RCL1: variants seen among roughly 807,000 people sequenced by gnomAD.
The protein encoded by RCL1 is RNA terminal phosphate cyclase like 1.
RCL1 carries 24 observed loss-of-function variants against 42.4 expected under a neutral mutation model. The observed-to-expected ratio is 0.57, with a 90% CI of 0.41 to 0.80. RCL1 has a LOEUF of 0.80. Ranked by LOEUF, RCL1 falls within the 30% of genes least tolerant of loss-of-function variation. The probability of loss-of-function intolerance (pLI) is 0.00; values close to 1 mark genes in which losing one functional copy is unlikely to be tolerated. For synonymous variants in RCL1, 228 were observed against 177.3 expected (o/e 1.29, Z -2.27); for missense variants, 578 against 467.9 (o/e 1.24, Z -2.17).
chr9:4,841,607 C>A (rs369241837), intron 6 of RCL1, among the ~76,000 whole-genome samples: 1 of 152,238 alleles, frequency 6.6e-6, no homozygotes, highest in Non-Finnish European at 1.5e-5. Flanking sequence ...AAACCTTTAT[C>A]TATTAATACA....
chr9:4,800,700 T>G (rs1842986327), intron 1 of RCL1, among the ~76,000 whole-genome samples: 1 of 150,122 alleles, frequency 6.7e-6, no homozygotes, highest in Middle Eastern at 3.4e-3. Flanking sequence ...ACTTCCAGGC[T>G]GGAATGCAGT....
chr9:4,859,887 C>T (rs560667581), intron 8 of RCL1, among the ~76,000 whole-genome samples: 7 of 152,236 alleles, frequency 4.6e-5, no homozygotes, highest in Admixed American at 2.0e-4. Flanking sequence ...AACTTCTAAC[C>T]TTTCCCCCCC....
chr9:4,828,655 A>G (rs1042281601), intron 3 of RCL1, among the ~76,000 whole-genome samples: 1 of 152,182 alleles, frequency 6.6e-6, no homozygotes, highest in Non-Finnish European at 1.5e-5. Flanking sequence ...AGGTGCCTCA[A>G]ACAGTGGGAA....
At chr9:4,855,721 A>G (rs951133642) in intron 8 of RCL1, among the ~76,000 whole-genome samples, 1 of 151,990 alleles carries the variant, frequency 6.6e-6, no homozygotes, top group Non-Finnish European at 1.5e-5. Flanking sequence ...GAGGTGGGGG[A>G]AAGATTCTGA....
At chr9:4,832,966 C>T (rs1816996039) in intron 3 of RCL1, among the ~76,000 whole-genome samples, 188 bp from the exon 4 acceptor site, 1 of 152,158 alleles carries the variant, frequency 6.6e-6, no homozygotes, top group Non-Finnish European at 1.5e-5. Context: ...CTCAGAGAAG[C>T]CCAGTGGCCT....
chr9:4,859,595 T>A (rs1244299189), intron 8 of RCL1, among the ~76,000 whole-genome samples: 1 of 152,150 alleles, frequency 6.6e-6, no homozygotes, highest in African/African-American at 2.4e-5. Flanking sequence ...GCATCAGTAG[T>A]CATTGTGCTT....
At chr9:4,824,259 C>T (rs555142866) in intron 2 of RCL1, among the ~76,000 whole-genome samples, 1 of 152,152 alleles carries the variant, frequency 6.6e-6, no homozygotes, top group African/African-American at 2.4e-5. Context: ...TCACCTCTTT[C>T]CTCTTCCATT....
chr9:4,798,378 A>G (rs1842946719), intron 1 of RCL1, among the ~76,000 whole-genome samples: 2 of 152,376 alleles, frequency 1.3e-5, no homozygotes, highest in Middle Eastern at 6.8e-3. Context: ...CATAGGAGTC[A>G]GAAGACAGGA....
rs115216700 is a variant in RCL1, at chr9:4,823,599, G to T, written c.188G>T (p.Arg63Leu). The change falls in exon 2 of 9, where the codon CGA becomes CTA. Residue 63 changes from arginine to leucine, a missense_variant. Arg to Leu is a moderately radical substitution (Grantham distance 102). Transcript: ENST00000381750. The part of the protein sequence containing the change: ...RLLDKITNGS[R>L]IEINQTGTTL... ...TTGGACAAAATAACGAATGGTTCTC[G>T]AATTGAAATAAACCAAACAGGTAAG... 3.7e-6 allele frequency: 6 copies of T among 1,610,634 alleles called. No individual in the cohort carries two copies. Among genetic ancestry groups the T allele is most frequent in the African/African-American group, 1.3e-5 (1 of 74,536 alleles).
chr9:4,834,068 T>G (rs1817039681), intron 4 of RCL1, 73 bp from the exon 5 acceptor site: 13 of 1,539,148 alleles, frequency 8.4e-6, no homozygotes, highest in Non-Finnish European at 1.1e-5. Flanking sequence ...GGTGTAAACC[T>G]TCCTGGGCAG....
rs182520314 is a variant in RCL1 at position 4,827,145 on chromosome 9, C to G, written c.384+112C>G. 9 of 1,559,148 alleles carry G rather than the reference C, an allele frequency of 5.8e-6. No homozygotes were observed. In the East Asian group the frequency reaches 1.4e-4, roughly 25 times the overall value. On this transcript the variant is annotated intron_variant, in intron 3 of 8. Transcript: ENST00000381750. ...ACAGTTTTATTACAAATGTATATTGCTTTTGTTATTTACTTTGAGATTTAG... is the reference window on the plus strand; with the variant it reads ...ACAGTTTTATTACAAATGTATATTGGTTTTGTTATTTACTTTGAGATTTAG...
chr9:4,850,192 G>A (rs1817682095), intron 8 of RCL1: 3 of 409,374 alleles, frequency 7.3e-6, no homozygotes, highest in South Asian at 5.9e-5. Flanking sequence ...TACTGACATT[G>A]TGTGTGTGTG....
chr9:4,849,421 G>A, intron 7 of RCL1, 26 bp from the exon 8 acceptor site: 1 of 1,552,816 alleles, frequency 6.4e-7, no homozygotes, highest in East Asian at 2.3e-5. Flanking sequence ...TTTCTGGTTT[G>A]TACAATTATT....
intron 1 of RCL1, among the ~76,000 whole-genome samples, chr9:4,801,249 A>G (rs934931056): frequency 5.3e-5 from 8 of 152,072 alleles, no homozygotes. Flanking sequence ...ATGGCTCACT[A>G]CTGCCTCAGC....
chr9:4,801,826 T>C (rs1041156635), intron 1 of RCL1, among the ~76,000 whole-genome samples: 1 of 151,968 alleles, frequency 6.6e-6, no homozygotes, highest in African/African-American at 2.4e-5. Flanking sequence ...ACAAAATCAG[T>C]TCAGCATTTT....
chr9:4,834,211 T>C lies in RCL1; in HGVS notation c.530T>C (p.Leu177Ser). The change falls in exon 5 of 9, where the codon TTG becomes TCG. Residue 177 changes from leucine to serine, a missense_variant. Coordinates refer to ENST00000381750, the MANE Select transcript of RCL1 (RefSeq NM_005772.5). ...TTCTCATGTCCTGTGAGGAAGGTCT[T>C]GAAGCCCATTCAACTCACAGATCCA... is the stretch of plus-strand genomic sequence containing the variant. The part of the protein sequence containing the change: ...VVFSCPVRKV[L>S]KPIQLTDPGK... The C allele has an allele frequency of 6.2e-7, 1 of 1,613,720 alleles. No homozygotes were observed. Among genetic ancestry groups the C allele is most frequent in the Non-Finnish European group, 8.5e-7 (1 of 1,179,734 alleles).
rs142062463 is a variant in RCL1, at chr9:4,797,900, G to A, written c.136+4673G>A. The stretch of plus-strand genomic sequence containing the variant: ...CCCAAAGAAGGATGGTCCCGGGCTG[G>A]TGATTATAATTGTCCAGCCACATGT... On this transcript the variant is annotated intron_variant, in intron 1 of 8. Coordinates refer to ENST00000381750, the MANE Select transcript of RCL1 (RefSeq NM_005772.5). Among the ~76,000 whole-genome samples the A allele has an allele frequency of 8.9e-3, 1,357 of 152,316 alleles. 10 individuals carry two copies. The highest frequency in any genetic ancestry group is 0.011 in the Non-Finnish European group (780 of 68,022).
At chr9:4,802,720 A>G (rs1006621645) in intron 1 of RCL1, among the ~76,000 whole-genome samples, 22 of 152,238 alleles carry the variant, frequency 1.4e-4, no homozygotes, top group African/African-American at 5.1e-4. Context: ...ATAGAAAAAA[A>G]TTTTATTCTG....
At chr9:4,819,270 G>A (rs1816501526) in intron 1 of RCL1, among the ~76,000 whole-genome samples, 1 of 152,220 alleles carries the variant, frequency 6.6e-6, no homozygotes, top group Admixed American at 6.5e-5. Flanking sequence ...TGCATGTGCA[G>A]TTCACAATAG....
Sources: gnomAD v4.1 joint callset for allele counts (sites outside exome capture counted in the v4.1 genomes callset) on GRCh38, gnomAD v4.1.1 for gene constraint, MANE v1.5 for transcripts, NCBI Gene and HGNC (gene_info 2026-07-23, HGNC 2026-07-21) for gene names.